Variants in ZFAND1 observed in about 807,000 individuals in gnomAD.
ZFAND1 encodes AN1-type zinc finger protein 1.
Under a neutral mutation model 38.5 loss-of-function variants are expected in ZFAND1, and 40 were observed. The ratio of observed to expected loss-of-function variants is 1.04; its 90% CI spans 0.81 to 1.35. ZFAND1 has a LOEUF of 1.35. Among genes scored for constraint, ZFAND1 ranks in the 40% most tolerant of loss-of-function variants. The pLI is 0.00. For missense variants in ZFAND1, 346 were observed against 316.3 expected, an observed-to-expected ratio of 1.09 and a Z score of -0.71; for synonymous variants, 117 against 103.6, an observed-to-expected ratio of 1.13 and a Z score of -0.78.
chr8:81,708,800 C>A, intron 6 of ZFAND1: 1 of 1,264,296 alleles, frequency 7.9e-7, no homozygotes, highest in Non-Finnish European at 1.0e-6. Flanking sequence ...AGTTAGTGCT[C>A]TTAAAAATAC....
chr8:81,713,588 G>A (rs1279667587), intron 6 of ZFAND1, among the ~76,000 whole-genome samples: 1 of 151,832 alleles, frequency 6.6e-6, no homozygotes, highest in Non-Finnish European at 1.5e-5. Context: ...TATACACAAG[G>A]ATGGTCACCA....
At position 81,708,829 on chromosome 8, in the gene ZFAND1, T is replaced by C. The variant is rs761086409; in HGVS notation, c.480+5089A>G. ...AAAATACTTCACTCCAGATTACTCA[T>C]CTGTGAAATTAGGATAAAAATATAT... On this transcript the variant is annotated intron_variant, in intron 6 of 7. Coordinates refer to ENST00000220669, the MANE Select transcript of ZFAND1 (RefSeq NM_024699.3). The C allele has an allele frequency of 2.3e-5, 29 of 1,256,614 alleles. No homozygotes were observed. The South Asian group carries it at 3.0e-4, about 13-fold the overall frequency. The allele number at this position is 1,256,614 out of a possible 1,614,324, so 77.8% of individuals were successfully genotyped here.
chr8:81,702,994 T>A lies in ZFAND1; in HGVS notation c.611A>T (p.Asn204Ile). ...DFAASLARLKNDNNKFTAKKL... is the reference protein window; with the variant it reads ...DFAASLARLKIDNNKFTAKKL... Reference sequence around the variant, plus strand: ...CTTAGCTGTAAATTTGTTATTGTCATTTTTAAGCCTGGCTAGAGAAGCGGC... The same window carrying A: ...CTTAGCTGTAAATTTGTTATTGTCAATTTTAAGCCTGGCTAGAGAAGCGGC... Residue 204 changes from asparagine (N) to isoleucine (I), a missense_variant, in exon 7 of 8, where the codon AAT (asparagine) becomes ATT (isoleucine). Asn to Ile is a moderately radical substitution (Grantham distance 149). Transcript: ENST00000220669. 3 of 1,530,506 alleles carry A rather than the reference T, an allele frequency of 2.0e-6. No homozygotes were observed. The highest frequency in any genetic ancestry group is 2.6e-6 in the Non-Finnish European group (3 of 1,138,020). 94.8% of individuals were successfully genotyped at this position (1,530,506 alleles called of 1,614,324 possible).
At chr8:81,716,475 G>A (rs923040803) in intron 3 of ZFAND1, among the ~76,000 whole-genome samples, 1 of 152,114 alleles carries the variant, frequency 6.6e-6, no homozygotes, top group East Asian at 1.9e-4. Flanking sequence ...TGCAAAATTA[G>A]GGTAGGAATT....
At chr8:81,704,908 G>C (rs1807928725) in intron 6 of ZFAND1, among the ~76,000 whole-genome samples, 1 of 151,612 alleles carries the variant, frequency 6.6e-6, no homozygotes, top group Non-Finnish European at 1.5e-5. Context: ...AAAGCAGCAA[G>C]AAGATAAATA....
chr8:81,713,832 G>A, intron 6 of ZFAND1, 86 bp downstream of exon 6: 2 of 1,327,562 alleles, frequency 1.5e-6, no homozygotes, highest in South Asian at 1.2e-5. Context: ...GTTTAGGTTA[G>A]TTGTTAATTG....
chr8:81,706,566 T>C (rs7007207), intron 6 of ZFAND1, among the ~76,000 whole-genome samples: 134,050 of 151,720 alleles, frequency 0.88, 59,300 homozygotes, highest in South Asian at 0.95. Context: ...TAATTATATA[T>C]GTTAAGAATG....
chr8:81,713,536 T>C (rs1808206582), intron 6 of ZFAND1, among the ~76,000 whole-genome samples: 1 of 152,172 alleles, frequency 6.6e-6, no homozygotes, highest in Non-Finnish European at 1.5e-5. Context: ...TAACTGATAT[T>C]GTGAAGTTTT....
chr8:81,709,087 A>G (rs1421490509), intron 6 of ZFAND1, among the ~76,000 whole-genome samples: 1 of 152,258 alleles, frequency 6.6e-6, no homozygotes, highest in Admixed American at 6.5e-5. Context: ...TATTTAGCAC[A>G]GTAGCCAAAA....
chr8:81,702,923 A>T (rs1448765651), intron 7 of ZFAND1, 46 bp downstream of exon 7: 1 of 1,513,464 alleles, frequency 6.6e-7, no homozygotes, highest in African/African-American at 1.4e-5. Context: ...ATGGAGCATC[A>T]TAAAACCTTT....
At chr8:81,718,057 A>G (rs995928547) in intron 2 of ZFAND1, 125 bp downstream of exon 2, 19 of 741,004 alleles carry the variant, frequency 2.6e-5, no homozygotes, top group Non-Finnish European at 3.5e-5. Context: ...GTCTATAACT[A>G]TACTGAATAT....
rs778274212 is a variant in ZFAND1, at chr8:81,714,981, AATC to A, written c.266+3_266+5del. On this transcript the variant is annotated splice_donor_5th_base_variant and intron_variant, in intron 4 of 7. Coordinates refer to ENST00000220669, the MANE Select transcript of ZFAND1 (RefSeq NM_024699.3). Reference sequence around the variant, plus strand: ...CAAAGTGTGAACAGCCTAAGTGATCAATCACCTCAGGCAAAAATTCTTCTCACA... The same window carrying A: ...CAAAGTGTGAACAGCCTAAGTGATCAACCTCAGGCAAAAATTCTTCTCACA... The A allele has an allele frequency of 6.2e-7, 1 of 1,614,078 alleles. No homozygotes were observed. The highest frequency in any genetic ancestry group is 8.5e-7 in the Non-Finnish European group (1 of 1,179,922).
At position 81,703,095 on chromosome 8, in the gene ZFAND1, T is replaced by A. The variant is rs1200668785; in HGVS notation, c.510A>T (p.Leu170Phe). The A allele has an allele frequency of 6.5e-7, 1 of 1,532,784 alleles. No homozygotes were observed. The highest frequency in any genetic ancestry group is 2.0e-5 in the Admixed American group (1 of 50,028). The allele number at this position is 1,532,784 out of a possible 1,614,324, so 94.9% of individuals were successfully genotyped here. The change falls in exon 7 of 8, where the codon TTA becomes TTT. Residue 170 changes from leucine (L) to phenylalanine (F), a missense_variant. Physicochemically the swap from Leu to Phe is conservative, Grantham distance 22. Transcript: ENST00000220669. ...QTERIYFQVFLPKGSKEKSKP... is the reference protein window; with the variant it reads ...QTERIYFQVFFPKGSKEKSKP... ...TGCTCTTCTCTTTGCTCCCTTTAGG[T>A]AAGAAAACCTGAAAGTAAATTCTTT...
At position 81,703,115 on chromosome 8, in the gene ZFAND1, T is replaced by A. The variant is rs746843624; in HGVS notation, c.490A>T (p.Ile164Phe). The A allele has an allele frequency of 6.7e-7, 1 of 1,500,396 alleles. No homozygotes were observed. Among genetic ancestry groups the A allele is most frequent in the South Asian group, 1.3e-5 (1 of 74,558 alleles). 92.9% of individuals were successfully genotyped at this position (1,500,396 alleles called of 1,614,324 possible). The change falls in exon 7 of 8, where the codon ATT (isoleucine) becomes TTT (phenylalanine). Residue 164 changes from isoleucine to phenylalanine, a missense_variant. Coordinates refer to ENST00000220669, the MANE Select transcript of ZFAND1 (RefSeq NM_024699.3). ...TTAGGTAAGAAAACCTGAAAGTAAA[T>A]TCTTTCTGTCTGTAAAAAGAAAAAG... ...GDKSLPQTER[I>F]YFQVFLPKGS...
chr8:81,721,266 T>A lies in ZFAND1; in HGVS notation c.16A>T (p.Ile6Phe), dbSNP rs1459989363. ...TGCTCCACCTGGCAGTGCTGCCCGA[T>A]GTCCAACTCCGCCATCTCTCCGGCG... MAELD[I>F]GQHCQVEHCR... The change falls in exon 1 of 8, where the codon ATC (isoleucine) becomes TTC (phenylalanine). Residue 6 changes from isoleucine to phenylalanine, a missense_variant. By Grantham distance (21) the Ile-to-Phe change is conservative. Transcript: ENST00000220669. 8.4e-6 allele frequency: 13 copies of A among 1,549,152 alleles called. No individual in the cohort carries two copies. Among genetic ancestry groups the A allele is most frequent in the Non-Finnish European group, 1.1e-5 (13 of 1,147,152 alleles).
At chr8:81,709,152 C>T (rs575209433) in intron 6 of ZFAND1, among the ~76,000 whole-genome samples, 41 of 152,234 alleles carry the variant, frequency 2.7e-4, no homozygotes, top group Admixed American at 9.2e-4. Context: ...AGCCACAGTA[C>T]ACCCACACCA....
intron 6 of ZFAND1, among the ~76,000 whole-genome samples, chr8:81,706,753 T>G (rs1282016547): frequency 6.6e-6 from 1 of 152,098 alleles, no homozygotes; most frequent in East Asian, 1.9e-4. Flanking sequence ...TAGAAAAAAC[T>G]TCTAAAATTA....
chr8:81,714,922 G>T, intron 4 of ZFAND1, 27 bp from the exon 5 acceptor site: 1 of 1,613,996 alleles, frequency 6.2e-7, no homozygotes, highest in Non-Finnish European at 8.5e-7. Flanking sequence ...AGTGACACTA[G>T]TTCATGTGTT....
intron 6 of ZFAND1, among the ~76,000 whole-genome samples, chr8:81,706,392 AAAG>A (rs1461921170): frequency 2.0e-4 from 30 of 148,918 alleles, no homozygotes; most frequent in Admixed American, 3.3e-4. Context: ...AAAAAAAAAA[AAAG>A]AAGTGTTGGT....
Sources: gnomAD v4.1 joint callset for allele counts (sites outside exome capture counted in the v4.1 genomes callset) on GRCh38, gnomAD v4.1.1 for gene constraint, MANE v1.5 for transcripts, NCBI Gene and HGNC (gene_info 2026-07-23, HGNC 2026-07-21) for gene names.